ABCG8: variants seen among roughly 807,000 people sequenced by gnomAD.
ABCG8 encodes the protein ATP-binding cassette sub-family G member 8.
Under a neutral mutation model 71.3 loss-of-function variants are expected in ABCG8, and 81 were observed. The ratio of observed to expected loss-of-function variants is 1.14; its 90% CI spans 0.95 to 1.37. ABCG8 has a LOEUF of 1.37. Ranked by LOEUF, ABCG8 falls within the 40% of genes most tolerant of loss-of-function variation. The pLI is 0.00. For missense variants in ABCG8, 1,119 were observed against 866.2 expected, an observed-to-expected ratio of 1.29 and a Z score of -3.66; for synonymous variants, 451 against 354.7, an observed-to-expected ratio of 1.27 and a Z score of -3.05.
Position 43,878,291 on chromosome 2 carries a change from A to G in ABCG8, c.*378A>G, listed in dbSNP as rs994282763. On this transcript the variant is annotated 3_prime_UTR_variant, in exon 13 of 13. Coordinates refer to ENST00000272286, the MANE Select transcript of ABCG8 (RefSeq NM_022437.3). ...GAATTGTTGGAACCTGGAGGGAACA[A>G]TAACAGTAGCTAGCAGATTTGGCTT... 3.0e-6 allele frequency: 1 copy of G among 330,398 alleles called. No homozygotes were observed. The highest frequency in any genetic ancestry group is 2.1e-5 in the African/African-American group (1 of 46,786). The allele number at this position is 330,398 out of a possible 1,614,324, so 20.5% of individuals were successfully genotyped here.
chr2:43,869,177 G>A (rs1457645620), intron 6 of ABCG8, among the ~76,000 whole-genome samples: 2 of 148,654 alleles, frequency 1.3e-5, no homozygotes, highest in Non-Finnish European at 1.5e-5. Flanking sequence ...TTCTCACTGT[G>A]GGTAGAATTC....
chr2:43,860,237 A>G (rs1174365409), intron 6 of ABCG8, among the ~76,000 whole-genome samples: 1 of 151,054 alleles, frequency 6.6e-6, no homozygotes, highest in Non-Finnish European at 1.5e-5. Flanking sequence ...CTCTGGTAGA[A>G]TTCTCATGAT....
At chr2:43,849,571 C>T (rs1179250192) in intron 3 of ABCG8, among the ~76,000 whole-genome samples, 1 of 152,150 alleles carries the variant, frequency 6.6e-6, no homozygotes, top group Non-Finnish European at 1.5e-5. Context: ...AGAGCCAAAC[C>T]ATATCAGAGA....
intron 1 of ABCG8, among the ~76,000 whole-genome samples, 176 bp from the exon 2 acceptor site, chr2:43,844,331 C>T (rs1475357739): frequency 6.6e-6 from 1 of 152,182 alleles, no homozygotes; most frequent in Non-Finnish European, 1.5e-5. Flanking sequence ...CCCTTGTCAG[C>T]ACTCCTATTT....
chr2:43,864,622 T>C (rs769192038), intron 6 of ABCG8, among the ~76,000 whole-genome samples: 25 of 151,716 alleles, frequency 1.6e-4, no homozygotes, highest in Admixed American at 5.3e-4. Context: ...CTAGGTAGAA[T>C]TCTCACTATG....
chr2:43,877,472 CTCTG>C lies in ABCG8; in HGVS notation c.1757-87_1757-84del, dbSNP rs1317031471. 17 of 862,160 alleles carry C rather than the reference CTCTG, an allele frequency of 2.0e-5. No homozygotes were observed. The Middle Eastern group carries it at 1.2e-3, about 61-fold the overall frequency. 53.4% of individuals were successfully genotyped at this position (862,160 alleles called of 1,614,324 possible). Reference sequence around the variant, plus strand: ...GGCAGACCATGGGAATATGGGGAGACTCTGTGAATATGGGGGAGACCATGCGAAT... The same window carrying C: ...GGCAGACCATGGGAATATGGGGAGACTGAATATGGGGGAGACCATGCGAAT... On this transcript the variant is annotated intron_variant, in intron 11 of 12. Coordinates refer to ENST00000272286, the MANE Select transcript of ABCG8 (RefSeq NM_022437.3).
chr2:43,852,616 G>A lies in ABCG8; in HGVS notation c.712G>A (p.Glu238Lys), dbSNP rs34754243. 2,235 of 1,614,138 alleles carry A rather than the reference G, an allele frequency of 1.4e-3. 5 individuals are homozygous for A. The highest frequency in any genetic ancestry group is 1.8e-3 in the Non-Finnish European group (2,072 of 1,180,026). ...LWNPGILILD[E>K]PTSGLDSFTA... is the part of the protein sequence containing the mutation. ...TTGGAAAGGAATCCTTATTCTCGAC[G>A]AACCCACCTCTGGGCTCGACAGCTT... The change falls in exon 6 of 13, where the codon GAA becomes AAA. Residue 238 changes from glutamate (E) to lysine (K), a missense_variant. Glu to Lys is a moderately conservative substitution (Grantham distance 56). Transcript: ENST00000272286.
At chr2:43,865,114 G>C (rs1278441188) in intron 6 of ABCG8, among the ~76,000 whole-genome samples, 2 of 141,750 alleles carry the variant, frequency 1.4e-5, no homozygotes, top group Non-Finnish European at 3.1e-5. Flanking sequence ...AACGCTCACT[G>C]TCTGGATAGA....
chr2:43,861,251 T>C (rs72796786), intron 6 of ABCG8, among the ~76,000 whole-genome samples: 7,769 of 151,320 alleles, frequency 0.051, 247 homozygotes, highest in Middle Eastern at 0.11. Flanking sequence ...TCTTTCTTGA[T>C]AGAACTCTTA....
At chr2:43,859,656 G>A (rs4507143) in intron 6 of ABCG8, among the ~76,000 whole-genome samples, 1 of 150,632 alleles carries the variant, frequency 6.6e-6, no homozygotes, top group Non-Finnish European at 1.5e-5. Context: ...TCACCATCCA[G>A]ATAGAACTCT....
rs1221966770 is a variant in ABCG8 at position 43,881,001 on chromosome 2, C to T, written c.*3088C>T. On this transcript the variant is annotated 3_prime_UTR_variant, in exon 13 of 13. Transcript: ENST00000272286. ...CCACAACTTCCCCCCACCTCCTTGT[C>T]ACTGTGGTCCCCTAATGGCGTTAGG... 2.0e-5 allele frequency: 3 copies of T among 152,296 alleles called. No individual in the cohort carries two copies. The highest frequency in any genetic ancestry group is 7.2e-5 in the African/African-American group (3 of 41,442). 9.4% of individuals were successfully genotyped at this position (152,296 alleles called of 1,614,324 possible).
At chr2:43,870,034 T>C (rs956536498) in intron 6 of ABCG8, among the ~76,000 whole-genome samples, 2 of 152,114 alleles carry the variant, frequency 1.3e-5, no homozygotes, top group African/African-American at 4.8e-5. Flanking sequence ...ACTCTCAGTA[T>C]CTGGATAGAA....
chr2:43,863,156 T>G (rs1403732952), intron 6 of ABCG8, among the ~76,000 whole-genome samples: 1 of 151,422 alleles, frequency 6.6e-6, no homozygotes, highest in African/African-American at 2.4e-5. Context: ...ACTATCTGGA[T>G]AGAATTTTCA....
At position 43,875,020 on chromosome 2, in the gene ABCG8, C is replaced by G; in HGVS notation, c.1489-126C>G. On this transcript the variant is annotated intron_variant, in intron 10 of 12. Transcript: ENST00000272286. ...ATGCTCCTGGGTCCCAGCACACCCTCCTGCCACAGCCTCATCATCACCAGG... is the reference window on the plus strand; with the variant it reads ...ATGCTCCTGGGTCCCAGCACACCCTGCTGCCACAGCCTCATCATCACCAGG... The G allele has an allele frequency of 5.8e-6, 8 of 1,379,248 alleles. No homozygotes were observed. In the South Asian group the frequency reaches 9.9e-5, roughly 17 times the overall value. The allele number at this position is 1,379,248 out of a possible 1,614,324, so 85.4% of individuals were successfully genotyped here. A position where few individuals can be genotyped will look rare whatever the true frequency, so the allele number is the denominator to read the frequency against.
In ABCG8 at chr2:43,877,689, G is replaced by C; in HGVS notation, c.1884+1G>C. On this transcript the variant is annotated splice_donor_variant, in intron 12 of 12. Coordinates refer to ENST00000272286, the MANE Select transcript of ABCG8 (RefSeq NM_022437.3). LOFTEE classifies it high-confidence loss of function. ...CACCATCGCGGTCTCAGGAGATAAA[G>C]TAAGCGGGGAAGGCCTCGGGTTCTA... is the stretch of plus-strand genomic sequence containing the variant. The C allele has an allele frequency of 1.2e-6, 2 of 1,614,142 alleles. No homozygotes were observed. Among genetic ancestry groups the C allele is most frequent in the South Asian group, 1.1e-5 (1 of 91,072 alleles).
chr2:43,848,003 G>C (rs1668799571), intron 3 of ABCG8: 1 of 151,982 alleles, frequency 6.6e-6, no homozygotes, highest in African/African-American at 2.4e-5. Flanking sequence ...GGCCTCAGGT[G>C]ATCTGCTTGC....
chr2:43,874,302 G>A, intron 9 of ABCG8, 105 bp from the exon 10 acceptor site: 5 of 1,040,826 alleles, frequency 4.8e-6, no homozygotes, highest in Non-Finnish European at 7.5e-6. Context: ...AGAGACTTGG[G>A]CAATATGATA....
intron 6 of ABCG8, among the ~76,000 whole-genome samples, chr2:43,858,944 A>G (rs1392033666): frequency 6.6e-6 from 1 of 151,544 alleles, no homozygotes; most frequent in African/African-American, 2.4e-5. Context: ...GTCTATCTGG[A>G]TAGAATTCTT....
At chr2:43,866,960 T>C (rs1190207633) in intron 6 of ABCG8, among the ~76,000 whole-genome samples, 1 of 151,284 alleles carries the variant, frequency 6.6e-6, no homozygotes, top group Non-Finnish European at 1.5e-5. Flanking sequence ...TGTCCAACAA[T>C]GATAGACTGG....
Sources: allele counts gnomAD v4.1 joint callset (sites outside exome capture counted in the v4.1 genomes callset), GRCh38; gene constraint gnomAD v4.1.1; transcripts MANE v1.5; gene names NCBI Gene and HGNC (gene_info 2026-07-23, HGNC 2026-07-21).